CFAP410: variants seen among roughly 807,000 people sequenced by gnomAD.
The protein encoded by CFAP410 is cilia- and flagella-associated protein 410.
In CFAP410, 27 loss-of-function variants were observed where a neutral mutation model predicts 25.7. The observed-to-expected ratio is 1.05, with a 90% CI of 0.77 to 1.45. The LOEUF (loss-of-function observed/expected upper bound fraction) is 1.45, where lower values mean the gene tolerates loss of function less well. CFAP410 is among the 40% of genes most tolerant of loss of function. The pLI, the probability that CFAP410 is intolerant of heterozygous loss-of-function variation, is 0.00. For synonymous variants in CFAP410, 178 were observed against 158.4 expected (o/e 1.12, Z -0.93); for missense variants, 428 against 354.1 (o/e 1.21, Z -1.67).
In CFAP410 at chr21:44,331,828, G is replaced by C; in HGVS notation, c.545+15C>G. 2 of 1,607,144 alleles carry C rather than the reference G, an allele frequency of 1.2e-6. No homozygotes were observed. The highest frequency in any genetic ancestry group is 1.7e-6 in the Non-Finnish European group (2 of 1,178,622). ...AGGGATGGGCTGCGGAGTCCCCGCT[G>C]CCCTCCAGCCTCACGTTGCCTCCTC... On this transcript the variant is annotated intron_variant, in intron 5 of 6. Coordinates refer to ENST00000339818, the MANE Select transcript of CFAP410 (RefSeq NM_004928.3).
At position 44,330,249 on chromosome 21, in the gene CFAP410, G is replaced by GC. The variant is rs1292527635; in HGVS notation, c.719dup (p.Ser241GlnfsTer69). The GC allele has an allele frequency of 3.8e-6, 6 of 1,598,352 alleles. No homozygotes were observed. Among genetic ancestry groups the GC allele is most frequent in the Middle Eastern group, 1.7e-4 (1 of 5,990 alleles). On this transcript the variant is annotated frameshift_variant, in exon 7 of 7. Transcript: ENST00000339818. LOFTEE classifies it high-confidence loss of function. ...CCCCACGCAGGGCCTGCAGCCGGCTGCCCACAGTCTGCTGCACGGCCTCCA... is the reference window on the plus strand; with the variant it reads ...CCCCACGCAGGGCCTGCAGCCGGCTGCCCCACAGTCTGCTGCACGGCCTCCA...
At chr21:44,333,814 C>T in intron 3 of CFAP410, 1 of 344,694 alleles carries the variant, frequency 2.9e-6, no homozygotes, top group Non-Finnish European at 5.7e-6. Flanking sequence ...CAGGCTTTAC[C>T]CTGCAGCGTG....
chr21:44,333,862 T>A (rs1388132019), intron 3 of CFAP410: 2 of 353,790 alleles, frequency 5.7e-6, no homozygotes, highest in Non-Finnish European at 5.6e-6. Context: ...GCGGAGCCGC[T>A]CCCGCAGGCC....
intron 2 of CFAP410, chr21:44,336,724 T>C (rs2047763191): frequency 6.6e-6 from 1 of 151,968 alleles, no homozygotes; most frequent in Non-Finnish European, 1.5e-5. Flanking sequence ...ATGCCACGTA[T>C]CCAGGCTTTT....
intron 6 of CFAP410, 60 bp from the exon 7 acceptor site, chr21:44,330,386 A>G (rs967748738): frequency 2.6e-5 from 41 of 1,580,722 alleles, no homozygotes; most frequent in Non-Finnish European, 5.2e-6. Flanking sequence ...TTCCCTCCAC[A>G]AGGGCTGGGG....
intron 3 of CFAP410, chr21:44,335,510 A>G (rs1181628387): frequency 1.0e-5 from 6 of 579,984 alleles, no homozygotes; most frequent in African/African-American, 1.9e-5. Flanking sequence ...GCAGGCGTAC[A>G]GCAGGGCAGG....
chr21:44,334,041 A>G (rs1434592518), intron 3 of CFAP410: 5 of 451,678 alleles, frequency 1.1e-5, no homozygotes, highest in Admixed American at 4.7e-5. Context: ...GCTCCTAGCT[A>G]TGAGGCCGCC....
chr21:44,335,496 G>T (rs962527433), intron 3 of CFAP410: 1 of 564,068 alleles, frequency 1.8e-6, no homozygotes, highest in East Asian at 3.0e-5. Context: ...CAGGCCAAGG[G>T]TGGGCAGGCG....
chr21:44,333,025 C>A lies in CFAP410; in HGVS notation c.373+8G>T. 1 of 1,567,496 alleles carries A rather than the reference C, an allele frequency of 6.4e-7. No individual in the cohort carries two copies. ...GGGAGGGCCGGTGACTCCGCTGCGG[C>A]CACCTACCCTGGTTGTCCAGCTTCT... On this transcript the variant is annotated splice_region_variant and intron_variant, in intron 4 of 6. Transcript: ENST00000339818.
At chr21:44,338,017 A>T (rs184911649) in intron 1 of CFAP410, among the ~76,000 whole-genome samples, 1 of 152,348 alleles carries the variant, frequency 6.6e-6, no homozygotes, top group East Asian at 1.9e-4. Flanking sequence ...CGTCTTTATA[A>T]GAGGTCAAGT....
In CFAP410 at chr21:44,339,362, C is replaced by A. The variant is rs1422687159; in HGVS notation, c.-168G>T. 4.7e-6 allele frequency: 2 copies of A among 424,432 alleles called. No homozygotes were observed. Among genetic ancestry groups the A allele is most frequent in the Admixed American group, 4.5e-5 (1 of 22,214 alleles). The allele number at this position is 424,432 out of a possible 1,614,324, so 26.3% of individuals were successfully genotyped here. On this transcript the variant is annotated 5_prime_UTR_variant, in exon 1 of 7. Coordinates refer to ENST00000339818, the MANE Select transcript of CFAP410 (RefSeq NM_004928.3). ...CGGGGCGACGCGAGCCCGCTGGGGC[C>A]GCTTGGGCGCCGCTGACACGTTGGC...
chr21:44,338,457 T>C (rs2047795661), intron 1 of CFAP410: 4 of 477,384 alleles, frequency 8.4e-6, no homozygotes, highest in Non-Finnish European at 1.5e-5. Flanking sequence ...CCTGCCTGGG[T>C]CCCACCGCAC....
intron 3 of CFAP410, chr21:44,333,649 A>G: frequency 3.1e-6 from 1 of 321,560 alleles, no homozygotes; most frequent in Non-Finnish European, 5.8e-6. Context: ...AACTCATGGC[A>G]AAAACTAGGA....
At chr21:44,338,189 C>T in intron 1 of CFAP410, 1 of 980,170 alleles carries the variant, frequency 1.0e-6, no homozygotes, top group South Asian at 1.6e-5. Flanking sequence ...ACCAGATATG[C>T]CAGGGCAGAG....
intron 2 of CFAP410, among the ~76,000 whole-genome samples, chr21:44,336,461 G>A (rs4818710): frequency 0.28 from 42,770 of 152,008 alleles, 6,128 homozygotes; most frequent in Non-Finnish European, 0.31. Flanking sequence ...ACAGGCTTGA[G>A]ACTGGATCTC....
intron 6 of CFAP410, 46 bp downstream of exon 6, chr21:44,330,777 T>TGCAGTGGGC: frequency 6.4e-7 from 1 of 1,554,644 alleles, no homozygotes; most frequent in East Asian, 2.4e-5. Context: ...GTGCAGTGGG[T>TGCAGTGGGC]GCAGTGGGCA....
intron 5 of CFAP410, 34 bp downstream of exon 5, chr21:44,331,809 G>A: frequency 6.3e-7 from 1 of 1,598,578 alleles, no homozygotes; most frequent in South Asian, 1.1e-5. Context: ...GGACAGGGAT[G>A]GGCTGCGGAG....
At chr21:44,330,576 C>T (rs991951715) in intron 6 of CFAP410, 3 of 1,549,632 alleles carry the variant, frequency 1.9e-6, no homozygotes, top group Admixed American at 2.0e-5. Flanking sequence ...CCACATTCCA[C>T]AGACCAGGAC....
intron 5 of CFAP410, chr21:44,331,582 C>T (rs2047648512): frequency 2.0e-6 from 1 of 490,326 alleles, no homozygotes. Context: ...TTCTCTGTGC[C>T]AGGGCACGGG....
Sources: gnomAD v4.1 joint callset for allele counts (sites outside exome capture counted in the v4.1 genomes callset) on GRCh38, gnomAD v4.1.1 for gene constraint, MANE v1.5 for transcripts, NCBI Gene and HGNC (gene_info 2026-07-23, HGNC 2026-07-21) for gene names.